The following HSPH1 variants were observed in gnomAD, a reference collection of about 807,000 sequenced individuals.
The protein encoded by HSPH1 is heat shock protein 105 kDa.
HSPH1 carries 40 observed loss-of-function variants against 100.0 expected under a neutral mutation model. That is an observed-to-expected ratio of 0.40 (90% confidence interval 0.31 to 0.52). The LOEUF (loss-of-function observed/expected upper bound fraction) is 0.52. Ranked by LOEUF, HSPH1 falls within the 20% of genes least tolerant of loss-of-function variation. HSPH1 has a pLI of 0.54. For missense variants in HSPH1, 876 were observed against 1,015.1 expected (o/e 0.86, Z 1.86); for synonymous variants, 403 against 344.0 (o/e 1.17, Z -1.90).
chr13:31,141,654 G>A (rs1031332983), intron 12 of HSPH1, among the ~76,000 whole-genome samples: 16 of 151,982 alleles, frequency 1.1e-4, no homozygotes, highest in African/African-American at 3.9e-4. Context: ...TACAAAACAC[G>A]TTAGGATCAT....
In HSPH1 at chr13:31,150,135, A is replaced by G; in HGVS notation, c.956T>C (p.Val319Ala). 1 of 1,609,762 alleles carries G rather than the reference A, an allele frequency of 6.2e-7. No homozygotes were observed. The highest frequency in any genetic ancestry group is 8.5e-7 in the Non-Finnish European group (1 of 1,176,866). Residue 319 changes from valine (V) to alanine (A), a missense_variant, in exon 8 of 18, where the codon GTA (valine) becomes GCA (alanine). Val to Ala is a moderately conservative substitution (Grantham distance 64). Coordinates refer to ENST00000320027, the MANE Select transcript of HSPH1 (RefSeq NM_006644.4). Reference protein sequence around the residue: ...LCAELLQKIEVPLYSLLEQTH... With the variant: ...LCAELLQKIEAPLYSLLEQTH... ...TTGTTCCAACAGTGAATAAAGGGGT[A>G]CTTCTATCTTTTGCAGAAGTTCAGC...
At chr13:31,146,184 T>C (rs1215280123) in intron 10 of HSPH1, among the ~76,000 whole-genome samples, 1 of 151,856 alleles carries the variant, frequency 6.6e-6, no homozygotes. Context: ...ATAAGAAAAA[T>C]ACAAAGGCTA....
chr13:31,142,774 T>C (rs1956141548), intron 12 of HSPH1, among the ~76,000 whole-genome samples: 1 of 152,104 alleles, frequency 6.6e-6, no homozygotes, highest in South Asian at 2.1e-4. Context: ...TGTCATGTTC[T>C]AGACAGGTAC....
chr13:31,154,966 A>G (rs1034211310), intron 3 of HSPH1, among the ~76,000 whole-genome samples: 1 of 152,186 alleles, frequency 6.6e-6, no homozygotes, highest in Non-Finnish European at 1.5e-5. Flanking sequence ...AAAAAGGAAG[A>G]AAGAACTTCT....
chr13:31,135,128 A>G lies in HSPH1; in HGVS notation c.*2190T>C, dbSNP rs781507725. 2 of 152,242 alleles carry G rather than the reference A, an allele frequency of 1.3e-5. No homozygotes were observed. Among genetic ancestry groups the G allele is most frequent in the South Asian group, 4.1e-4 (2 of 4,832 alleles). 9.4% of individuals were successfully genotyped at this position (152,242 alleles called of 1,614,324 possible). On this transcript the variant is annotated 3_prime_UTR_variant, in exon 18 of 18. Transcript: ENST00000320027. ...GGTATATATCACAACTGTTTGAGCCAATGATATTAATACGTTATTATAAAG... is the reference window on the plus strand; with the variant it reads ...GGTATATATCACAACTGTTTGAGCCGATGATATTAATACGTTATTATAAAG...
chr13:31,147,368 T>G (rs75071600), intron 10 of HSPH1, among the ~76,000 whole-genome samples: 1 of 152,054 alleles, frequency 6.6e-6, no homozygotes, highest in Non-Finnish European at 1.5e-5. Flanking sequence ...TATGAAAAGG[T>G]GTGAGGCAAG....
In HSPH1 at chr13:31,145,604, C is replaced by T. The variant is rs748069191; in HGVS notation, c.1543G>A (p.Glu515Lys). The T allele has an allele frequency of 5.0e-6, 8 of 1,613,564 alleles. No individual in the cohort carries two copies. Among genetic ancestry groups the T allele is most frequent in the African/African-American group, 1.3e-5 (1 of 74,992 alleles). ...TCTGGTGGTCTCTGATTCAGACACTCCATGTCAGCTTCAGAAGACATTTCA... is the reference window on the plus strand; with the variant it reads ...TCTGGTGGTCTCTGATTCAGACACTTCATGTCAGCTTCAGAAGACATTTCA... ...ENEMSSEADM[E>K]CLNQRPPENP... is the part of the protein sequence containing the mutation. The change falls in exon 11 of 18, where the codon GAG (glutamate) becomes AAG (lysine). Residue 515 changes from glutamate to lysine, a missense_variant. Transcript: ENST00000320027.
chr13:31,139,130 T>G (rs1056133970), intron 14 of HSPH1, 23 bp from the exon 15 acceptor site: 3 of 1,371,468 alleles, frequency 2.2e-6, no homozygotes, highest in African/African-American at 2.9e-5. Flanking sequence ...TATGACAATA[T>G]TAGTGGCACT....
rs768057646 is a variant in HSPH1, at chr13:31,138,722, G to A, written c.2208+59C>T. ...CTATTCATGATGATTCCCAGCTTAA[G>A]TGTTAGCTTATTAAAATCTAGGTTA... is the stretch of plus-strand genomic sequence containing the variant. On this transcript the variant is annotated intron_variant, in intron 16 of 17. Transcript: ENST00000320027. The A allele has an allele frequency of 2.7e-4, 423 of 1,566,468 alleles. 2 individuals are homozygous for A. The highest frequency in any genetic ancestry group is 3.6e-4 in the Non-Finnish European group (413 of 1,159,606).
intron 16 of HSPH1, 96 bp downstream of exon 16, chr13:31,138,685 T>C (rs1327397731): frequency 1.3e-6 from 2 of 1,529,774 alleles, no homozygotes; most frequent in African/African-American, 1.4e-5. Flanking sequence ...TACCAAAATT[T>C]CAAAGTTAAG....
intron 2 of HSPH1, among the ~76,000 whole-genome samples, chr13:31,158,062 G>A (rs934841921): frequency 2.0e-5 from 3 of 152,116 alleles, no homozygotes; most frequent in Non-Finnish European, 4.4e-5. Flanking sequence ...CACAGGTCTG[G>A]ACAAAAATTT....
intron 17 of HSPH1, among the ~76,000 whole-genome samples, 174 bp from the exon 18 acceptor site, chr13:31,137,698 G>T (rs1206424237): frequency 1.3e-5 from 2 of 152,116 alleles, no homozygotes; most frequent in Non-Finnish European, 2.9e-5. Context: ...GACCAAAATA[G>T]AGTATTAATA....
chr13:31,141,173 G>A lies in HSPH1; in HGVS notation c.1803C>T (p.Asn601=). The A allele has an allele frequency of 6.2e-7, 1 of 1,608,900 alleles. No individual in the cohort carries two copies. The highest frequency in any genetic ancestry group is 8.5e-7 in the Non-Finnish European group (1 of 1,176,788). ...GGTCTTTCCCTAACTGCCAGACCAA[G>A]TTGGCTTCAATAGGCAGCTCAACAT... ...VVNVELPIEA[N]LVWQLGKDLL... The change falls in exon 13 of 18, where the codon AAC becomes AAT. Residue 601 remains asparagine (N), a synonymous_variant. Coordinates refer to ENST00000320027, the MANE Select transcript of HSPH1 (RefSeq NM_006644.4).
rs144493118 is a variant in HSPH1, at chr13:31,149,830, G to A, written c.1137+124C>T. 330 of 723,624 alleles carry A rather than the reference G, an allele frequency of 4.6e-4. 1 individual carries two copies. In the African/African-American group the frequency reaches 4.9e-3, roughly 11 times the overall value. The allele number at this position is 723,624 out of a possible 1,614,324, so 44.8% of individuals were successfully genotyped here. On this transcript the variant is annotated intron_variant, in intron 8 of 17. Coordinates refer to ENST00000320027, the MANE Select transcript of HSPH1 (RefSeq NM_006644.4). ...AGCCTTATCTCCCTACAGCTTTACG[G>A]GTTTGTTTAAAATGTCCTTCTGCTA... is the stretch of plus-strand genomic sequence containing the variant.
At position 31,138,505 on chromosome 13, in the gene HSPH1, C is replaced by T. The variant is rs1955966240; in HGVS notation, c.2272G>A (p.Val758Met). The T allele has an allele frequency of 1.9e-6, 3 of 1,613,034 alleles. No homozygotes were observed. Among genetic ancestry groups the T allele is most frequent in the Non-Finnish European group, 2.5e-6 (3 of 1,179,202 alleles). Residue 758 changes from valine to methionine, a missense_variant, in exon 17 of 18, where the codon GTG (valine) becomes ATG (methionine). By Grantham distance (21) the Val-to-Met change is conservative. Transcript: ENST00000320027. ...MKKVEKSVNEVMEWMNNVMNA... is the reference protein window; with the variant it reads ...MKKVEKSVNEMMEWMNNVMNA... ...ATGACATTATTCATCCATTCCATCA[C>T]TTCATTAACAGACTTCTCCACTTTT... is the stretch of plus-strand genomic sequence containing the variant.
At position 31,149,950 on chromosome 13, in the gene HSPH1, G is replaced by C. The variant is rs1370107178; in HGVS notation, c.1137+4C>G. The C allele has an allele frequency of 6.2e-7, 1 of 1,608,380 alleles. No homozygotes were observed. The highest frequency in any genetic ancestry group is 8.5e-7 in the Non-Finnish European group (1 of 1,175,048). Reference sequence around the variant, plus strand: ...ACCAAGCAAAAGCAGAGTTGAGAAAGTACCTGTAATGCACATCCTCTGGCT... The same window carrying C: ...ACCAAGCAAAAGCAGAGTTGAGAAACTACCTGTAATGCACATCCTCTGGCT... On this transcript the variant is annotated splice_donor_region_variant and intron_variant, in intron 8 of 17. Coordinates refer to ENST00000320027, the MANE Select transcript of HSPH1 (RefSeq NM_006644.4).
At chr13:31,162,214 G>T (rs1471587411), upstream of HSPH1, 2 of 899,616 alleles carry the variant, frequency 2.2e-6, no homozygotes, top group South Asian at 3.0e-5. Flanking sequence ...TCCAAAACTC[G>T]GAATAGTCAC....
At chr13:31,155,901 C>T (rs866694593) in intron 2 of HSPH1, among the ~76,000 whole-genome samples, 13 of 152,222 alleles carry the variant, frequency 8.5e-5, no homozygotes, top group South Asian at 8.3e-4. Flanking sequence ...AATAGTGTGA[C>T]GACAGACTTT....
intron 7 of HSPH1, among the ~76,000 whole-genome samples, chr13:31,150,578 C>G (rs1390542371): frequency 6.6e-6 from 1 of 152,174 alleles, no homozygotes; most frequent in African/African-American, 2.4e-5. Flanking sequence ...CATGTACCAC[C>G]ATGCAGCCCT....
Sources: allele counts gnomAD v4.1 joint callset (sites outside exome capture counted in the v4.1 genomes callset), GRCh38; gene constraint gnomAD v4.1.1; transcripts MANE v1.5; gene names NCBI Gene and HGNC (gene_info 2026-07-23, HGNC 2026-07-21).